The following UGGT2 variants were observed in gnomAD, a reference collection of about 807,000 sequenced individuals.
UGGT2 encodes UDP-glucose:glycoprotein glucosyltransferase 2.
Under a neutral mutation model 192.1 loss-of-function variants are expected in UGGT2, and 180 were observed. That is an observed-to-expected ratio of 0.94 (90% CI 0.83 to 1.06). UGGT2 has a LOEUF of 1.06. Ranked by LOEUF, UGGT2 falls within the 50% of genes least tolerant of loss-of-function variation. The pLI, the probability that UGGT2 is intolerant of heterozygous loss-of-function variation, is 0.00. For synonymous variants in UGGT2, 580 were observed against 591.0 expected, an observed-to-expected ratio of 0.98 and a Z score of 0.27; for missense variants, 1,849 against 1,795.7, an observed-to-expected ratio of 1.03 and a Z score of -0.54.
At chr13:95,958,404 GC>G (rs1000064139) in intron 12 of UGGT2, among the ~76,000 whole-genome samples, 3 of 152,158 alleles carry the variant, frequency 2.0e-5, no homozygotes, top group African/African-American at 7.2e-5. Flanking sequence ...ACCCGCCTAG[GC>G]CTCCCAAAGT....
chr13:95,925,610 A>C, intron 20 of UGGT2, 70 bp downstream of exon 20: 2 of 1,031,654 alleles, frequency 1.9e-6, no homozygotes, highest in South Asian at 4.9e-5. Context: ...TATTTAATGT[A>C]TGTTCTTCAT....
At chr13:95,942,221 G>GGTGTGT (rs370041064) in intron 15 of UGGT2, among the ~76,000 whole-genome samples, 1,580 of 117,952 alleles carry the variant, frequency 0.013, 16 homozygotes, top group African/African-American at 0.028. Context: ...TTAGGGTGAG[G>GGTGTGT]GTGTGTGTGT....
chr13:95,816,275 T>A (rs1193894891), intron 38 of UGGT2, among the ~76,000 whole-genome samples: 1 of 152,206 alleles, frequency 6.6e-6, no homozygotes, highest in Non-Finnish European at 1.5e-5. Flanking sequence ...AAGAGAGTGA[T>A]ATCAAATGTT....
rs964107437 is a variant in UGGT2 at position 95,931,548 on chromosome 13, G to A, written c.1978-4212C>T. ...ACCCCACGGTGCCGGGGCAGGGTGGGGTGGGGTGGGGGTGGGGGGGAGGCT... is the reference window on the plus strand; with the variant it reads ...ACCCCACGGTGCCGGGGCAGGGTGGAGTGGGGTGGGGGTGGGGGGGAGGCT... On this transcript the variant is annotated intron_variant, in intron 17 of 38. Transcript: ENST00000376747. 7.9e-5 allele frequency among the ~76,000 whole-genome samples: 12 copies of A among 152,054 alleles called. No individual in the cohort carries two copies. In the South Asian group the frequency reaches 1.7e-3, roughly 21 times the overall value.
chr13:96,017,967 T>G (rs1027205096), intron 4 of UGGT2, among the ~76,000 whole-genome samples: 2 of 152,206 alleles, frequency 1.3e-5, no homozygotes, highest in Non-Finnish European at 2.9e-5. Context: ...AAGACTCAGA[T>G]ACAAAAATTC....
At chr13:95,908,143 G>GTATC (rs1300321821) in intron 20 of UGGT2, among the ~76,000 whole-genome samples, 1 of 152,132 alleles carries the variant, frequency 6.6e-6, no homozygotes, top group African/African-American at 2.4e-5. Context: ...GGAAGAAAGG[G>GTATC]TATCAGTGAT....
At chr13:95,871,893 A>G (rs1402651783) in intron 29 of UGGT2, among the ~76,000 whole-genome samples, 1 of 152,226 alleles carries the variant, frequency 6.6e-6, no homozygotes, top group East Asian at 1.9e-4. Flanking sequence ...CTGCAGAGCC[A>G]GCAAAGTTAC....
At chr13:95,959,495 T>C (rs563340786) in intron 12 of UGGT2, among the ~76,000 whole-genome samples, 14 of 152,228 alleles carry the variant, frequency 9.2e-5, no homozygotes, top group African/African-American at 3.1e-4. Context: ...TGCCTGGTTC[T>C]ATCACCCCCA....
At chr13:95,889,496 C>T (rs1404167618) in intron 25 of UGGT2, among the ~76,000 whole-genome samples, 1 of 152,140 alleles carries the variant, frequency 6.6e-6, no homozygotes, top group East Asian at 1.9e-4. Flanking sequence ...CTTACATTTT[C>T]ACCAGACTCA....
intron 29 of UGGT2, among the ~76,000 whole-genome samples, chr13:95,872,555 C>T (rs1296493838): frequency 1.3e-5 from 2 of 151,888 alleles, no homozygotes; most frequent in African/African-American, 2.4e-5. Context: ...TTTTATTACA[C>T]AGTAACATGT....
intron 38 of UGGT2, among the ~76,000 whole-genome samples, chr13:95,806,051 AAC>A (rs1033500678): frequency 1.9e-4 from 28 of 151,260 alleles, no homozygotes; most frequent in African/African-American, 2.2e-4. Context: ...AAAAAAAAAA[AAC>A]ACACAGTGGA....
At chr13:95,836,439 G>A (rs1043610616) in intron 37 of UGGT2, among the ~76,000 whole-genome samples, 1 of 152,196 alleles carries the variant, frequency 6.6e-6, no homozygotes, top group Non-Finnish European at 1.5e-5. Context: ...CTGCTTGTAA[G>A]TTTGGCTCCT....
At chr13:96,022,434 A>T (rs2052540908) in intron 4 of UGGT2, among the ~76,000 whole-genome samples, 1 of 151,996 alleles carries the variant, frequency 6.6e-6, no homozygotes, top group Admixed American at 6.5e-5. Flanking sequence ...AAGTATAAGA[A>T]AATGTTAGAA....
intron 38 of UGGT2, among the ~76,000 whole-genome samples, chr13:95,807,371 C>T (rs1366430582): frequency 6.6e-6 from 1 of 152,088 alleles, no homozygotes; most frequent in Non-Finnish European, 1.5e-5. Flanking sequence ...GAGGCAGGCA[C>T]ACTCAGTGTA....
chr13:95,839,487 C>T lies in UGGT2; in HGVS notation c.4285-2285G>A, dbSNP rs1253135546. On this transcript the variant is annotated intron_variant, in intron 36 of 38. Transcript: ENST00000376747. ...TCAGTACTTCAATCCTTTTTACAGC[C>T]AAATAATATTCCACTATATGAATTT... Among the ~76,000 whole-genome samples, 3 of 152,278 alleles carry T rather than the reference C, an allele frequency of 2.0e-5. No homozygotes were observed. The East Asian group carries it at 5.8e-4, about 29-fold the overall frequency.
chr13:95,992,549 A>C (rs1235359886), intron 7 of UGGT2, among the ~76,000 whole-genome samples: 2 of 152,154 alleles, frequency 1.3e-5, no homozygotes, highest in Admixed American at 1.3e-4. Context: ...GTATCCTGAA[A>C]CTTACAGAAG....
intron 36 of UGGT2, among the ~76,000 whole-genome samples, chr13:95,852,885 G>A (rs1300447308): frequency 1.3e-5 from 2 of 152,090 alleles, no homozygotes; most frequent in Non-Finnish European, 2.9e-5. Flanking sequence ...TTTACACAAT[G>A]ATGGAAAAGA....
intron 11 of UGGT2, among the ~76,000 whole-genome samples, chr13:95,972,227 G>A (rs1339092258): frequency 2.6e-5 from 4 of 151,838 alleles, no homozygotes; most frequent in African/African-American, 4.8e-5. Flanking sequence ...CTGTCTTCTG[G>A]GGAAATACCC....
intron 11 of UGGT2, among the ~76,000 whole-genome samples, chr13:95,970,684 CG>C (rs1180113386): frequency 6.6e-6 from 1 of 151,972 alleles, no homozygotes; most frequent in Non-Finnish European, 1.5e-5. Context: ...ATGAAGTTCA[CG>C]TGTGTTTGAA....
Sources: gnomAD v4.1 joint callset for allele counts (sites outside exome capture counted in the v4.1 genomes callset) on GRCh38, gnomAD v4.1.1 for gene constraint, MANE v1.5 for transcripts, NCBI Gene and HGNC (gene_info 2026-07-23, HGNC 2026-07-21) for gene names.